The following PRKCE variants were observed in gnomAD, a reference collection of about 807,000 sequenced individuals.
PRKCE encodes protein kinase C epsilon type.
A neutral mutation model predicts 85.4 loss-of-function variants in PRKCE; 16 were observed. That is an observed-to-expected ratio of 0.19 (90% CI 0.13 to 0.28). The LOEUF (loss-of-function observed/expected upper bound fraction) is 0.28. PRKCE is among the 10% of genes least tolerant of loss of function. PRKCE has a pLI of 1.00. For missense variants in PRKCE, 573 were observed against 975.2 expected, an observed-to-expected ratio of 0.59 and a Z score of 5.49; for synonymous variants, 388 against 371.5, an observed-to-expected ratio of 1.04 and a Z score of -0.51.
intron 2 of PRKCE, among the ~76,000 whole-genome samples, chr2:45,973,739 A>T (rs1395037432): frequency 3.5e-4 from 54 of 152,250 alleles, no homozygotes; most frequent in Non-Finnish European, 1.5e-5. Flanking sequence ...ATGTCAACAC[A>T]GTTTAGAACG....
intron 11 of PRKCE, among the ~76,000 whole-genome samples, chr2:46,097,730 G>T (rs948128283): frequency 1.3e-5 from 2 of 152,186 alleles, no homozygotes; most frequent in Non-Finnish European, 2.9e-5. Flanking sequence ...TGAAGAGCTT[G>T]TCCCCTACTA....
chr2:45,912,782 T>C (rs750009114), intron 2 of PRKCE, among the ~76,000 whole-genome samples: 6 of 152,166 alleles, frequency 3.9e-5, no homozygotes, highest in Non-Finnish European at 7.3e-5. Flanking sequence ...GTCTGTCATT[T>C]GGAAATGACA....
Position 45,679,704 on chromosome 2 carries a change from G to A in PRKCE, c.348+27256G>A, listed in dbSNP as rs148761787. 5.3e-3 allele frequency among the ~76,000 whole-genome samples: 812 copies of A among 152,304 alleles called. 7 individuals carry two copies. Among genetic ancestry groups the A allele is most frequent in the African/African-American group, 0.019 (771 of 41,558 alleles). On this transcript the variant is annotated intron_variant, in intron 1 of 14. Coordinates refer to ENST00000306156, the MANE Select transcript of PRKCE (RefSeq NM_005400.3). The stretch of plus-strand genomic sequence containing the variant: ...AGAAGAGGGGATATGGGGAGCTGAT[G>A]TCCACCAAGAACAGGGAGCCTGTAG...
chr2:45,762,068 A>G (rs531070098), intron 1 of PRKCE, among the ~76,000 whole-genome samples: 7 of 152,050 alleles, frequency 4.6e-5, no homozygotes, highest in Non-Finnish European at 7.4e-5. Context: ...CCATTCAGCC[A>G]CTCTCTAGGG....
At chr2:45,850,917 G>A (rs1278564332) in intron 2 of PRKCE, among the ~76,000 whole-genome samples, 2 of 152,200 alleles carry the variant, frequency 1.3e-5, no homozygotes, top group African/African-American at 4.8e-5. Flanking sequence ...GGGATGTAGA[G>A]CTAATGAACA....
intron 7 of PRKCE, chr2:46,003,920 T>C (rs951323301): frequency 6.5e-6 from 1 of 152,950 alleles, no homozygotes; most frequent in African/African-American, 2.4e-5. Context: ...TAGCAGTTTT[T>C]AATGAAAGTT....
At chr2:45,684,831 C>A (rs778536381) in intron 1 of PRKCE, among the ~76,000 whole-genome samples, 12 of 152,144 alleles carry the variant, frequency 7.9e-5, no homozygotes, top group Non-Finnish European at 1.6e-4. Flanking sequence ...TTGTGTGTCC[C>A]CAGTCAACCC....
At chr2:45,927,206 G>C (rs1163360226) in intron 2 of PRKCE, among the ~76,000 whole-genome samples, 1 of 151,584 alleles carries the variant, frequency 6.6e-6, no homozygotes, top group Admixed American at 6.6e-5. Context: ...GAGTGTGCAT[G>C]GGGGGGGTGT....
intron 1 of PRKCE, among the ~76,000 whole-genome samples, chr2:45,693,651 G>T (rs1677916657): frequency 6.6e-6 from 1 of 152,134 alleles, no homozygotes; most frequent in Non-Finnish European, 1.5e-5. Context: ...CTGAGAGGCT[G>T]GTCTCAAGAA....
At chr2:45,754,150 A>G (rs890461307) in intron 1 of PRKCE, among the ~76,000 whole-genome samples, 1 of 152,204 alleles carries the variant, frequency 6.6e-6, no homozygotes, top group Non-Finnish European at 1.5e-5. Context: ...GTTGAAATGC[A>G]TCTGAGGTGG....
At chr2:45,830,494 A>G (rs576160541) in intron 1 of PRKCE, among the ~76,000 whole-genome samples, 1 of 152,370 alleles carries the variant, frequency 6.6e-6, no homozygotes, top group East Asian at 1.9e-4. Flanking sequence ...TATATGTATC[A>G]CATAGTAAGA....
intron 1 of PRKCE, among the ~76,000 whole-genome samples, chr2:45,755,440 G>C (rs1245763138): frequency 6.6e-6 from 1 of 152,158 alleles, no homozygotes; most frequent in Non-Finnish European, 1.5e-5. Flanking sequence ...CCCAAGACAC[G>C]GTCCTTCATT....
chr2:46,022,940 G>A (rs187418233), intron 10 of PRKCE, among the ~76,000 whole-genome samples: 60 of 151,756 alleles, frequency 4.0e-4, no homozygotes, highest in Admixed American at 2.2e-3. Context: ...AAAATTAGCC[G>A]GGCGCGGTGG....
At chr2:46,024,362 C>A (rs937409025) in intron 10 of PRKCE, among the ~76,000 whole-genome samples, 1 of 149,980 alleles carries the variant, frequency 6.7e-6, no homozygotes, top group East Asian at 1.9e-4. Flanking sequence ...CTTTTGACCT[C>A]ATTGGAGCAT....
chr2:46,073,900 C>G (rs1668291219), intron 10 of PRKCE: 1 of 152,130 alleles, frequency 6.6e-6, no homozygotes, highest in Admixed American at 6.5e-5. Flanking sequence ...ACAGACCACG[C>G]TATGCACGTA....
At chr2:46,168,877 A>C (rs930821441) in intron 14 of PRKCE, among the ~76,000 whole-genome samples, 1 of 152,138 alleles carries the variant, frequency 6.6e-6, no homozygotes, top group Non-Finnish European at 1.5e-5. Context: ...ATCCTATCCA[A>C]GTGGGTCTGC....
intron 2 of PRKCE, among the ~76,000 whole-genome samples, chr2:45,945,053 A>T (rs1700152108): frequency 6.6e-6 from 1 of 151,810 alleles, no homozygotes; most frequent in South Asian, 2.1e-4. Flanking sequence ...CATTGCCAAA[A>T]CTTTCTCGCA....
intron 1 of PRKCE, among the ~76,000 whole-genome samples, chr2:45,744,060 A>T (rs1183918226): frequency 6.6e-6 from 1 of 151,054 alleles, no homozygotes; most frequent in East Asian, 1.9e-4. Context: ...GGCAGAGAGT[A>T]CTGGGTTCAA....
chr2:45,971,775 A>T (rs955263706), intron 2 of PRKCE, among the ~76,000 whole-genome samples: 2 of 152,258 alleles, frequency 1.3e-5, no homozygotes, highest in Non-Finnish European at 1.5e-5. Flanking sequence ...ATGTTTTCTA[A>T]GTAGTTGGAA....
Sources: gnomAD v4.1 joint callset for allele counts (sites outside exome capture counted in the v4.1 genomes callset) on GRCh38, gnomAD v4.1.1 for gene constraint, MANE v1.5 for transcripts, NCBI Gene and HGNC (gene_info 2026-07-23, HGNC 2026-07-21) for gene names.